The following CCM2L variants were observed in gnomAD, a reference collection of about 807,000 sequenced individuals.
CCM2L encodes the protein CCM2 like scaffold protein.
Under a neutral mutation model 54.1 loss-of-function variants are expected in CCM2L, and 36 were observed. The observed-to-expected ratio is 0.67, with a 90% CI of 0.51 to 0.88. The LOEUF (loss-of-function observed/expected upper bound fraction) is 0.88, where lower values mean the gene tolerates loss of function less well. Among genes scored for constraint, CCM2L ranks in the 40% least tolerant of loss-of-function variants. The pLI, the probability that CCM2L is intolerant of heterozygous loss-of-function variation, is 0.00. For missense variants in CCM2L, 700 were observed against 812.1 expected, an observed-to-expected ratio of 0.86 and a Z score of 1.68; for synonymous variants, 351 against 359.3, an observed-to-expected ratio of 0.98 and a Z score of 0.26.
At chr20:32,019,439 C>T (rs1015081000) in intron 5 of CCM2L, 30 bp downstream of exon 5, 12 of 1,449,026 alleles carry the variant, frequency 8.3e-6, no homozygotes, top group Non-Finnish European at 9.1e-6. Flanking sequence ...GCTCCCAAAG[C>T]CCGGCTTCGG....
chr20:32,031,272 C>G lies in CCM2L; in HGVS notation c.1674C>G (p.Gly558=), dbSNP rs1275610694. ...DDDDDEDEPR[G]SRGGSDAAED... Reference sequence around the variant, plus strand: ...ACGACGACGAGGATGAGCCCCGGGGCTCCAGGGGCGGGAGCGACGCCGCAG... The same window carrying G: ...ACGACGACGAGGATGAGCCCCGGGGGTCCAGGGGCGGGAGCGACGCCGCAG... The change falls in exon 10 of 10, where the codon GGC becomes GGG. Residue 558 remains glycine, a synonymous_variant. Coordinates refer to ENST00000452892, the MANE Select transcript of CCM2L (RefSeq NM_001365692.1). 7.7e-7 allele frequency: 1 copy of G among 1,294,600 alleles called. No homozygotes were observed. Among genetic ancestry groups the G allele is most frequent in the Admixed American group, 2.3e-5 (1 of 42,844 alleles). 80.2% of individuals were successfully genotyped at this position (1,294,600 alleles called of 1,614,324 possible). A position where few individuals can be genotyped will look rare whatever the true frequency, so the allele number is the denominator to read the frequency against.
At chr20:32,011,465 C>T (rs1372645999) in intron 1 of CCM2L, among the ~76,000 whole-genome samples, 1 of 152,014 alleles carries the variant, frequency 6.6e-6, no homozygotes, top group Non-Finnish European at 1.5e-5. Flanking sequence ...ATTAACTGGG[C>T]ATGGTGGCAC....
chr20:32,012,018 C>G (rs779970360), intron 1 of CCM2L, among the ~76,000 whole-genome samples: 2 of 151,834 alleles, frequency 1.3e-5, no homozygotes, highest in African/African-American at 4.8e-5. Flanking sequence ...CTTCTCCAGG[C>G]TCACCCTCAT....
At chr20:32,010,542 G>T in intron 1 of CCM2L, 58 bp downstream of exon 1, 1 of 1,330,696 alleles carries the variant, frequency 7.5e-7, no homozygotes. Context: ...CTGGGGAAGG[G>T]GGCAAACTGG....
intron 5 of CCM2L, among the ~76,000 whole-genome samples, chr20:32,019,823 A>G (rs1342857752): frequency 1.3e-5 from 2 of 152,208 alleles, no homozygotes; most frequent in African/African-American, 4.8e-5. Flanking sequence ...TTCCCATTCT[A>G]TAGAAAAGGA....
At position 32,015,018 on chromosome 20, in the gene CCM2L, T is replaced by C; in HGVS notation, c.145T>C (p.Tyr49His). Residue 49 changes from tyrosine to histidine, a missense_variant, in exon 2 of 10, where the codon TAC (tyrosine) becomes CAC (histidine). Physicochemically the swap from Tyr to His is moderately conservative, Grantham distance 83. Transcript: ENST00000452892. ...LHSMPLYPPD[Y>H]LIDPQILLCD... ...CTCGATGCCCCTTTATCCCCCCGAC[T>C]ACCTCATCGACCCCCAGATTCTGCT... 6.4e-7 allele frequency: 1 copy of C among 1,567,592 alleles called. No individual in the cohort carries two copies. The highest frequency in any genetic ancestry group is 1.2e-5 in the South Asian group (1 of 85,962).
chr20:32,025,925 T>C lies in CCM2L; in HGVS notation c.1133+6T>C, dbSNP rs777704686. On this transcript the variant is annotated splice_donor_region_variant and intron_variant, in intron 7 of 9. Coordinates refer to ENST00000452892, the MANE Select transcript of CCM2L (RefSeq NM_001365692.1). ...TTCAGCTGCTGCAGCTCCTTGTGAG[T>C]ACAGCCCCTGTCAGGGACTCCACCC... The C allele has an allele frequency of 3.1e-6, 4 of 1,304,064 alleles. No individual in the cohort carries two copies. Among genetic ancestry groups the C allele is most frequent in the Non-Finnish European group, 4.0e-6 (4 of 988,868 alleles). The allele number at this position is 1,304,064 out of a possible 1,614,324, so 80.8% of individuals were successfully genotyped here.
intron 7 of CCM2L, chr20:32,028,570 A>T (rs530077246): frequency 5.5e-6 from 1 of 180,220 alleles, no homozygotes; most frequent in East Asian, 1.5e-4. Context: ...TGGAAAGGCC[A>T]TGCATGTCAC....
chr20:32,025,786 G>T, intron 6 of CCM2L, 70 bp from the exon 7 acceptor site: 1 of 1,103,968 alleles, frequency 9.1e-7, no homozygotes, highest in Non-Finnish European at 1.2e-6. Flanking sequence ...TGAGGGTGGG[G>T]CCTCAGGGAG....
chr20:32,019,390 T>C lies in CCM2L; in HGVS notation c.914T>C (p.Ile305Thr). The C allele has an allele frequency of 1.3e-6, 2 of 1,530,390 alleles. No individual in the cohort carries two copies. The highest frequency in any genetic ancestry group is 1.7e-6 in the Non-Finnish European group (2 of 1,147,116). The allele number at this position is 1,530,390 out of a possible 1,614,324, so 94.8% of individuals were successfully genotyped here. ...PSPDAYCNLV[I>T]LAVANRDAAE... ...CCCGACGCCTACTGCAACCTGGTCA[T>C]CCTGGCTGTAGCCAACAGGGTGAGC... Residue 305 changes from isoleucine (I) to threonine (T), a missense_variant, in exon 5 of 10, where the codon ATC becomes ACC. By Grantham distance (89) the Ile-to-Thr change is moderately conservative (BLOSUM62 -1). Transcript: ENST00000452892.
Position 32,032,180 on chromosome 20 carries a change from A to G in CCM2L, c.*866A>G, listed in dbSNP as rs2064937422. 1 of 152,202 alleles carries G rather than the reference A, an allele frequency of 6.6e-6. No homozygotes were observed. Among genetic ancestry groups the G allele is most frequent in the African/African-American group, 2.4e-5 (1 of 41,440 alleles). 9.4% of individuals were successfully genotyped at this position (152,202 alleles called of 1,614,324 possible). A position where few individuals can be genotyped will look rare whatever the true frequency, so the allele number is the denominator to read the frequency against. The stretch of plus-strand genomic sequence containing the variant: ...TAAATGTTGTTCCTTTCCACATCAA[A>G]CATTTTATGACTCAGTTTACCTTTC... On this transcript the variant is annotated 3_prime_UTR_variant, in exon 10 of 10. Transcript: ENST00000452892.
rs1411566906 is a variant in CCM2L, at chr20:32,019,280, G to C, written c.804G>C (p.Glu268Asp). 3.2e-6 allele frequency: 4 copies of C among 1,254,092 alleles called. No individual in the cohort carries two copies. In the African/African-American group the frequency reaches 6.2e-5, roughly 19 times the overall value. The allele number at this position is 1,254,092 out of a possible 1,614,324, so 77.7% of individuals were successfully genotyped here. Residue 268 changes from glutamate to aspartate, a missense_variant, in exon 5 of 10, where the codon GAG (glutamate) becomes GAC (aspartate). By Grantham distance (45) the Glu-to-Asp change is conservative. Coordinates refer to ENST00000452892, the MANE Select transcript of CCM2L (RefSeq NM_001365692.1). Reference protein sequence around the residue: ...GGAGKPGGSWERRQAGSGGGG... With the variant: ...GGAGKPGGSWDRRQAGSGGGG... ...CGGGAAAGCCGGGCGGTAGCTGGGA[G>C]CGGAGGCAGGCGGGCAGCGGCGGGG...
Position 32,031,077 on chromosome 20 carries a change from C to T in CCM2L, c.1479C>T (p.Gly493=), listed in dbSNP as rs755250848. 2.6e-5 allele frequency: 34 copies of T among 1,304,142 alleles called. 1 individual carries two copies. Among genetic ancestry groups the T allele is most frequent in the Middle Eastern group, 2.1e-4 (1 of 4,720 alleles). 80.8% of individuals were successfully genotyped at this position (1,304,142 alleles called of 1,614,324 possible). A position where few individuals can be genotyped will look rare whatever the true frequency, so the allele number is the denominator to read the frequency against. ...TGGAGGGCGTGGGCATCCGCGAGGG[C>T]GGCATCCTCACTGACAGCTTCGGCC... ...GFLEGVGIRE[G]GILTDSFGRI... Residue 493 remains glycine, a synonymous_variant, in exon 10 of 10, where the codon GGC becomes GGT. Coordinates refer to ENST00000452892, the MANE Select transcript of CCM2L (RefSeq NM_001365692.1).
At chr20:32,020,761 G>A (rs1384245565) in intron 5 of CCM2L, among the ~76,000 whole-genome samples, 1 of 151,996 alleles carries the variant, frequency 6.6e-6, no homozygotes, top group Non-Finnish European at 1.5e-5. Flanking sequence ...TGAGGCGGGT[G>A]GATCACCTGA....
intron 5 of CCM2L, among the ~76,000 whole-genome samples, 157 bp downstream of exon 5, chr20:32,019,566 A>G (rs952076559): frequency 3.4e-5 from 5 of 149,000 alleles, no homozygotes; most frequent in Non-Finnish European, 5.9e-5. Context: ...CCGGACCTGG[A>G]CACCTCCAGG....
rs1600685576 is a variant in CCM2L, at chr20:32,029,143, T to G, written c.1263+19T>G. 6.2e-7 allele frequency: 1 copy of G among 1,613,946 alleles called. No individual in the cohort carries two copies. Among genetic ancestry groups the G allele is most frequent in the Non-Finnish European group, 8.5e-7 (1 of 1,179,934 alleles). On this transcript the variant is annotated intron_variant, in intron 8 of 9. Transcript: ENST00000452892. ...GGTCACGGTGAGCTGGGGCCGGTGGTGGGAATGGCACAAGCAAAAGCCTGG... is the reference window on the plus strand; with the variant it reads ...GGTCACGGTGAGCTGGGGCCGGTGGGGGGAATGGCACAAGCAAAAGCCTGG...
At chr20:32,025,081 T>TTCTC (rs143923688) in intron 6 of CCM2L, among the ~76,000 whole-genome samples, 1 of 149,820 alleles carries the variant, frequency 6.7e-6, no homozygotes, top group Non-Finnish European at 1.5e-5. Context: ...CTTTCTTTCT[T>TTCTC]TCTCTCTTTC....
chr20:32,017,439 T>C (rs1452083005), intron 2 of CCM2L, among the ~76,000 whole-genome samples: 3 of 152,194 alleles, frequency 2.0e-5, no homozygotes, highest in African/African-American at 7.2e-5. Flanking sequence ...CCCTATGGAA[T>C]CTTATAGCTA....
chr20:32,024,656 A>C (rs1007622509), intron 6 of CCM2L, among the ~76,000 whole-genome samples: 11 of 152,254 alleles, frequency 7.2e-5, no homozygotes, highest in African/African-American at 2.6e-4. Flanking sequence ...GTGAAAACCC[A>C]TCTCTACTAA....
Sources: gnomAD v4.1 joint callset for allele counts (sites outside exome capture counted in the v4.1 genomes callset) on GRCh38, gnomAD v4.1.1 for gene constraint, MANE v1.5 for transcripts, NCBI Gene and HGNC (gene_info 2026-07-23, HGNC 2026-07-21) for gene names.